The following MRPS6 variants were observed in gnomAD, a reference collection of about 807,000 sequenced individuals.
MRPS6 encodes mitochondrial ribosomal protein S6, also known as small ribosomal subunit protein bS6m.
MRPS6 carries 6 observed loss-of-function variants against 13.1 expected under a neutral mutation model. The observed-to-expected ratio is 0.46, with a 90% CI of 0.25 to 0.91. The LOEUF is 0.91. MRPS6 is among the 40% of genes least tolerant of loss of function. The pLI, the probability that MRPS6 is intolerant of heterozygous loss-of-function variation, is 0.18. For missense variants in MRPS6, 164 were observed against 155.6 expected (o/e 1.05, Z -0.29); for synonymous variants, 61 against 56.5 (o/e 1.08, Z -0.36).
At chr21:34,134,865 G>A (rs1028624545) in intron 2 of MRPS6, among the ~76,000 whole-genome samples, 4 of 152,202 alleles carry the variant, frequency 2.6e-5, no homozygotes, top group Non-Finnish European at 5.9e-5. Flanking sequence ...TGTGTTAGAT[G>A]ATTTTACACA....
chr21:34,113,066 G>C (rs1324305886), intron 1 of MRPS6, among the ~76,000 whole-genome samples: 1 of 152,130 alleles, frequency 6.6e-6, no homozygotes, highest in Admixed American at 6.6e-5. Flanking sequence ...TGTCAGGATG[G>C]CTATTATGAA....
At chr21:34,105,444 A>G (rs1277262361) in intron 1 of MRPS6, 33 of 999,500 alleles carry the variant, frequency 3.3e-5, no homozygotes, top group Non-Finnish European at 4.0e-5. Flanking sequence ...TTTTAAGCCA[A>G]ATGTCAGCAG....
rs1979206377 is a variant in MRPS6, at chr21:34,100,889, C to T, written c.46-24452C>T. ...GGCTTATTAGCTACTCAGTTACTTG[C>T]TACTCAAAGGTTAGGTCTTCCCTGT... is the stretch of plus-strand genomic sequence containing the variant. On this transcript the variant is annotated intron_variant, in intron 1 of 2. Transcript: ENST00000399312. 3.0e-6 allele frequency: 3 copies of T among 999,962 alleles called. No homozygotes were observed. In the African/African-American group the frequency reaches 5.2e-5, roughly 17 times the overall value. 61.9% of individuals were successfully genotyped at this position (999,962 alleles called of 1,614,324 possible).
At chr21:34,120,984 T>TA (rs1485413056) in intron 1 of MRPS6, among the ~76,000 whole-genome samples, 1 of 152,058 alleles carries the variant, frequency 6.6e-6, no homozygotes, top group Non-Finnish European at 1.5e-5. Context: ...GAGACCCTCT[T>TA]AAAGGAGGTA....
intron 1 of MRPS6, among the ~76,000 whole-genome samples, chr21:34,090,070 T>G (rs546395550): frequency 6.6e-6 from 1 of 152,310 alleles, no homozygotes; most frequent in Admixed American, 6.5e-5. Context: ...TCATGTCAGT[T>G]CTCAAAAAGT....
chr21:34,119,661 G>T (rs1430979229), intron 1 of MRPS6, among the ~76,000 whole-genome samples: 1 of 152,174 alleles, frequency 6.6e-6, no homozygotes, highest in African/African-American at 2.4e-5. Flanking sequence ...GGGAACTAGG[G>T]TGTGGTAGTG....
chr21:34,097,393 C>G, intron 1 of MRPS6: 7 of 1,492,210 alleles, frequency 4.7e-6, no homozygotes, highest in Non-Finnish European at 6.2e-6. Context: ...TAAGACAATA[C>G]TGACTGGTCT....
At chr21:34,130,654 C>T (rs1980471930) in intron 2 of MRPS6, among the ~76,000 whole-genome samples, 1 of 152,154 alleles carries the variant, frequency 6.6e-6, no homozygotes, top group African/African-American at 2.4e-5. Context: ...CCTGGAAGAT[C>T]ACGTGGGCAA....
intron 1 of MRPS6, chr21:34,106,248 A>G: frequency 1.2e-6 from 1 of 860,630 alleles, no homozygotes. Flanking sequence ...CTTTGAATAA[A>G]ATGAAAAATT....
intron 1 of MRPS6, chr21:34,095,137 A>G: frequency 6.5e-7 from 1 of 1,529,708 alleles, no homozygotes; most frequent in Non-Finnish European, 8.7e-7. Context: ...TGGGGTTACT[A>G]AAAATAAATA....
rs137982185 is a variant in MRPS6, at chr21:34,077,300, C to T, written c.45+3555C>T. Among the ~76,000 whole-genome samples, 287 of 152,198 alleles carry T rather than the reference C, an allele frequency of 1.9e-3. 1 individual carries two copies. Among genetic ancestry groups the T allele is most frequent in the African/African-American group, 6.5e-3 (271 of 41,512 alleles). ...TGAAACTTTGTAGACACTTTTTATG[C>T]CTTGGGTATACAGGAAGAAGAAATC... On this transcript the variant is annotated intron_variant, in intron 1 of 2. Transcript: ENST00000399312.
At chr21:34,130,774 C>T (rs1287412443) in intron 2 of MRPS6, among the ~76,000 whole-genome samples, 1 of 152,196 alleles carries the variant, frequency 6.6e-6, no homozygotes, top group Admixed American at 6.5e-5. Flanking sequence ...TGCCTGGCAT[C>T]AGTCATCTCC....
At chr21:34,132,191 AG>A (rs1287071327) in intron 2 of MRPS6, among the ~76,000 whole-genome samples, 5 of 151,920 alleles carry the variant, frequency 3.3e-5, no homozygotes, top group Non-Finnish European at 5.9e-5. Context: ...AGAGGTCGGG[AG>A]GGGGTTGGTA....
chr21:34,113,447 T>A (rs965051730), intron 1 of MRPS6, among the ~76,000 whole-genome samples: 2 of 152,182 alleles, frequency 1.3e-5, no homozygotes, highest in Non-Finnish European at 2.9e-5. Context: ...TTATGTGAAG[T>A]GAAATAAGCC....
At position 34,138,450 on chromosome 21, in the gene MRPS6, G is replaced by T. The variant is rs551941886; in HGVS notation, c.186-3958G>T. 2.0e-5 allele frequency among the ~76,000 whole-genome samples: 3 copies of T among 152,038 alleles called. No homozygotes were observed. The East Asian group carries it at 5.8e-4, about 29-fold the overall frequency. On this transcript the variant is annotated intron_variant, in intron 2 of 2. Coordinates refer to ENST00000399312, the MANE Select transcript of MRPS6 (RefSeq NM_032476.4). ...ATTTTTGAACTACTCATCTAACAAA[G>T]GGCTAATATCCAGAATCTACAATGA...
Position 34,101,395 on chromosome 21 carries a change from A to G in MRPS6, c.46-23946A>G, listed in dbSNP as rs1028210076. The G allele has an allele frequency of 3.0e-6, 3 of 1,000,202 alleles. No homozygotes were observed. The African/African-American group carries it at 5.2e-5, about 17-fold the overall frequency. The allele number at this position is 1,000,202 out of a possible 1,614,324, so 62.0% of individuals were successfully genotyped here. A position where few individuals can be genotyped will look rare whatever the true frequency, so the allele number is the denominator to read the frequency against. On this transcript the variant is annotated intron_variant, in intron 1 of 2. Transcript: ENST00000399312. ...GTTACCACAGTAGAGATAATTTAGT[A>G]GAAAAATGCTTTGAGGCTTCAGTAT... is the stretch of plus-strand genomic sequence containing the variant.
Position 34,073,609 on chromosome 21 carries a change from C to A in MRPS6, c.-92C>A, listed in dbSNP as rs962679811. 7 of 1,134,402 alleles carry A rather than the reference C, an allele frequency of 6.2e-6. No homozygotes were observed. The highest frequency in any genetic ancestry group is 2.7e-5 in the South Asian group (2 of 73,800). 70.3% of individuals were successfully genotyped at this position (1,134,402 alleles called of 1,614,324 possible). A position where few individuals can be genotyped will look rare whatever the true frequency, so the allele number is the denominator to read the frequency against. On this transcript the variant is annotated 5_prime_UTR_variant, in exon 1 of 3. Coordinates refer to ENST00000399312, the MANE Select transcript of MRPS6 (RefSeq NM_032476.4). Reference sequence around the variant, plus strand: ...GCCGCCTGGGAGCCGTCCGGCGCAGCAGTTTCTAGGTCCCCACTGTCCCCG... The same window carrying A: ...GCCGCCTGGGAGCCGTCCGGCGCAGAAGTTTCTAGGTCCCCACTGTCCCCG...
At position 34,142,518 on chromosome 21, in the gene MRPS6, C is replaced by T; in HGVS notation, c.296C>T (p.Thr99Ile). The T allele has an allele frequency of 6.2e-7, 1 of 1,613,324 alleles. No homozygotes were observed. The highest frequency in any genetic ancestry group is 1.7e-4 in the Middle Eastern group (1 of 6,040). ...IRGNIVKHPL[T>I]QELKECEGIV... The stretch of plus-strand genomic sequence containing the variant: ...GGGAATATTGTCAAACACCCTCTGA[C>T]CCAGGAACTAAAAGAATGTGAAGGG... The change falls in exon 3 of 3, where the codon ACC (threonine) becomes ATC (isoleucine). Residue 99 changes from threonine to isoleucine, a missense_variant. By Grantham distance (89) the Thr-to-Ile change is moderately conservative (BLOSUM62 -1). Transcript: ENST00000399312.
At chr21:34,113,324 T>C (rs1979778073) in intron 1 of MRPS6, among the ~76,000 whole-genome samples, 1 of 152,162 alleles carries the variant, frequency 6.6e-6, no homozygotes, top group Non-Finnish European at 1.5e-5. Context: ...TGGATCAACC[T>C]AAGTGTCCAT....
Sources: allele counts gnomAD v4.1 joint callset (sites outside exome capture counted in the v4.1 genomes callset), GRCh38; gene constraint gnomAD v4.1.1; transcripts MANE v1.5; gene names NCBI Gene and HGNC (gene_info 2026-07-23, HGNC 2026-07-21).